SUSD6: variants seen among roughly 807,000 people sequenced by gnomAD.
SUSD6 encodes sushi domain-containing protein 6.
In SUSD6, 16 loss-of-function variants were observed where a neutral mutation model predicts 28.4. The ratio of observed to expected loss-of-function variants is 0.56; its 90% confidence interval spans 0.38 to 0.86. The LOEUF is 0.86. SUSD6 is among the 40% of genes least tolerant of loss of function. The pLI is 0.00. For synonymous variants in SUSD6, 147 were observed against 159.6 expected, an observed-to-expected ratio of 0.92 and a Z score of 0.59; for missense variants, 341 against 384.2, an observed-to-expected ratio of 0.89 and a Z score of 0.94.
chr14:69,681,851 G>T (rs1017718769), intron 2 of SUSD6, among the ~76,000 whole-genome samples: 10 of 152,262 alleles, frequency 6.6e-5, no homozygotes, highest in African/African-American at 2.4e-4. Context: ...AGGGCTTACG[G>T]CTAAAGAAGT....
At chr14:69,677,303 T>C (rs1885924976) in intron 2 of SUSD6, among the ~76,000 whole-genome samples, 1 of 152,174 alleles carries the variant, frequency 6.6e-6, no homozygotes, top group South Asian at 2.1e-4. Context: ...CCCAGCACTT[T>C]GGGAGGCCGA....
rs952848728 is a variant in SUSD6, at chr14:69,620,202, C to T, written c.-81+8374C>T. On this transcript the variant is annotated intron_variant, in intron 1 of 5. Transcript: ENST00000342745. ...GACCGTCTGCCTCCTTGTTTCTGTC[C>T]TGTGGGAATTTTGCTTGTTACACAG... 5.4e-4 allele frequency among the ~76,000 whole-genome samples: 83 copies of T among 152,318 alleles called. 1 individual carries two copies. The highest frequency in any genetic ancestry group is 1.9e-3 in the African/African-American group (81 of 41,562).
intron 1 of SUSD6, among the ~76,000 whole-genome samples, chr14:69,634,649 TG>T (rs1885238881): frequency 6.6e-6 from 1 of 152,274 alleles, no homozygotes; most frequent in Non-Finnish European, 1.5e-5. Flanking sequence ...CTAAATTTAC[TG>T]GAATTCTAGG....
At chr14:69,642,127 A>G (rs556938925) in intron 1 of SUSD6, among the ~76,000 whole-genome samples, 67 of 152,302 alleles carry the variant, frequency 4.4e-4, no homozygotes, top group Non-Finnish European at 8.4e-4. Context: ...TTGAAAGCCA[A>G]TCATAGTTCT....
rs1886492312 is a variant in SUSD6, at chr14:69,713,143, T to G, written c.*2164T>G. ...TGGAAGATCTTACCTTTTTCTATCT[T>G]GTTACTCTGGGGTTTTGTCCCCCTA... On this transcript the variant is annotated 3_prime_UTR_variant, in exon 6 of 6. Coordinates refer to ENST00000342745, the MANE Select transcript of SUSD6 (RefSeq NM_014734.4). 1 of 152,218 alleles carries G rather than the reference T, an allele frequency of 6.6e-6. No individual in the cohort carries two copies. 9.4% of individuals were successfully genotyped at this position (152,218 alleles called of 1,614,324 possible). A position where few individuals can be genotyped will look rare whatever the true frequency, so the allele number is the denominator to read the frequency against.
At chr14:69,663,407 T>G (rs1001741769) in intron 2 of SUSD6, among the ~76,000 whole-genome samples, 1 of 152,208 alleles carries the variant, frequency 6.6e-6, no homozygotes. Flanking sequence ...TAGTTTTCAT[T>G]GAAAATGGAA....
intron 2 of SUSD6, among the ~76,000 whole-genome samples, chr14:69,702,052 T>C (rs566833784): frequency 2.9e-4 from 44 of 152,096 alleles, no homozygotes; most frequent in Admixed American, 5.2e-4. Context: ...GCCCCTCTCG[T>C]GGATGAGAAA....
At chr14:69,668,294 G>A (rs1885775629) in intron 2 of SUSD6, among the ~76,000 whole-genome samples, 1 of 152,156 alleles carries the variant, frequency 6.6e-6, no homozygotes. Flanking sequence ...TGAGGATTTC[G>A]AACCCAGTGT....
intron 2 of SUSD6, among the ~76,000 whole-genome samples, chr14:69,670,782 T>C (rs908324488): frequency 2.0e-5 from 3 of 152,256 alleles, no homozygotes; most frequent in African/African-American, 7.2e-5. Flanking sequence ...AGCCCGCTGT[T>C]GCGGGGAGTC....
chr14:69,689,036 C>T (rs896897817), intron 2 of SUSD6, among the ~76,000 whole-genome samples: 8 of 152,196 alleles, frequency 5.3e-5, no homozygotes, highest in African/African-American at 1.9e-4. Context: ...TCTTGATTCT[C>T]TGCCTTTGTT....
intron 1 of SUSD6, among the ~76,000 whole-genome samples, chr14:69,613,768 A>C (rs980307288): frequency 6.6e-6 from 1 of 152,234 alleles, no homozygotes; most frequent in African/African-American, 2.4e-5. Flanking sequence ...TCTGCAGAGT[A>C]ATTTTTTGGA....
chr14:69,691,248 C>CA (rs1296847013), intron 2 of SUSD6, among the ~76,000 whole-genome samples: 2 of 152,172 alleles, frequency 1.3e-5, no homozygotes, highest in Admixed American at 6.5e-5. Flanking sequence ...GAGGCTGAGG[C>CA]ATGAGAATTG....
At chr14:69,633,469 G>A (rs1428338706) in intron 1 of SUSD6, among the ~76,000 whole-genome samples, 1 of 152,220 alleles carries the variant, frequency 6.6e-6, no homozygotes, top group African/African-American at 2.4e-5. Context: ...CAGAAGGAAT[G>A]TTCCCTCTTT....
At chr14:69,637,156 A>G (rs1885276648) in intron 1 of SUSD6, among the ~76,000 whole-genome samples, 1 of 151,962 alleles carries the variant, frequency 6.6e-6, no homozygotes, top group Non-Finnish European at 1.5e-5. Context: ...GGAATGCCCC[A>G]CCACTCCCTG....
intron 2 of SUSD6, among the ~76,000 whole-genome samples, chr14:69,687,207 TC>T (rs1886086188): frequency 1.3e-5 from 2 of 152,318 alleles, no homozygotes; most frequent in Admixed American, 1.3e-4. Flanking sequence ...ACTCCTGACT[TC>T]AGGTAATCTG....
intron 1 of SUSD6, among the ~76,000 whole-genome samples, chr14:69,655,175 C>T (rs1225328724): frequency 6.6e-6 from 1 of 152,100 alleles, no homozygotes; most frequent in Non-Finnish European, 1.5e-5. Flanking sequence ...TTCAAAAATA[C>T]ATGCATATAC....
rs1166935615 is a variant in SUSD6, at chr14:69,713,929, G to A, written c.*2950G>A. ...AGTCACATTCTAATGACTTTCAAGG[G>A]CCAGAATATGGTGAAAATCACTTAA... is the stretch of plus-strand genomic sequence containing the variant. On this transcript the variant is annotated 3_prime_UTR_variant, in exon 6 of 6. Transcript: ENST00000342745. The A allele has an allele frequency of 6.6e-6, 1 of 151,044 alleles. No individual in the cohort carries two copies. The highest frequency in any genetic ancestry group is 1.5e-5 in the Non-Finnish European group (1 of 67,872). The allele number at this position is 151,044 out of a possible 1,614,324, so 9.4% of individuals were successfully genotyped here. A position where few individuals can be genotyped will look rare whatever the true frequency, so the allele number is the denominator to read the frequency against.
intron 1 of SUSD6, among the ~76,000 whole-genome samples, chr14:69,624,801 C>T (rs1885092052): frequency 6.6e-6 from 1 of 152,142 alleles, no homozygotes; most frequent in Non-Finnish European, 1.5e-5. Flanking sequence ...GTTAACACTA[C>T]CCATCTATAG....
Position 69,704,660 on chromosome 14 carries a change from G to A in SUSD6, c.376G>A (p.Ala126Thr), listed in dbSNP as rs1886361485. ...CACGCTGTCTATAGTGGCTTCTACT[G>A]CCAGCTCCGTGGCGCTCATTCTCCT... ...VPTLSIVAST[A>T]SSVALILLLV... is the part of the protein sequence containing the mutation. Residue 126 changes from alanine (A) to threonine (T), a missense_variant, in exon 4 of 6, where the codon GCC becomes ACC. Coordinates refer to ENST00000342745, the MANE Select transcript of SUSD6 (RefSeq NM_014734.4). 1.2e-6 allele frequency: 2 copies of A among 1,614,124 alleles called. No homozygotes were observed. Among genetic ancestry groups the A allele is most frequent in the Non-Finnish European group, 1.7e-6 (2 of 1,180,008 alleles).
Sources: gnomAD v4.1 joint callset for allele counts (sites outside exome capture counted in the v4.1 genomes callset) on GRCh38, gnomAD v4.1.1 for gene constraint, MANE v1.5 for transcripts, NCBI Gene and HGNC (gene_info 2026-07-23, HGNC 2026-07-21) for gene names.